The following EIF3E variants were observed in gnomAD, a reference collection of about 807,000 sequenced individuals.
EIF3E encodes eukaryotic translation initiation factor 3 subunit E.
In EIF3E, 25 loss-of-function variants were observed where a neutral mutation model predicts 59.3. The observed-to-expected ratio is 0.42, with a 90% confidence interval of 0.31 to 0.59. The LOEUF (loss-of-function observed/expected upper bound fraction) is 0.59. Among genes scored for constraint, EIF3E ranks in the 20% least tolerant of loss-of-function variants. The pLI is 0.15. For missense variants in EIF3E, 317 were observed against 534.3 expected (o/e 0.59, Z 4.01); for synonymous variants, 176 against 170.2 (o/e 1.03, Z -0.26).
intron 2 of EIF3E, 52 bp from the exon 3 acceptor site, chr8:108,240,127 C>G: frequency 7.0e-7 from 1 of 1,420,792 alleles, no homozygotes; most frequent in Non-Finnish European, 1.0e-6. Flanking sequence ...TTAAATTGTG[C>G]TACTCATCAT....
At chr8:108,215,593 C>G (rs651951) in intron 9 of EIF3E, among the ~76,000 whole-genome samples, 75,621 of 151,082 alleles carry the variant, frequency 0.5, 18,892 homozygotes, top group African/African-American at 0.58. Context: ...ACTCCAGCCT[C>G]GGCAACAGAG....
chr8:108,218,269 C>T (rs935911378), intron 7 of EIF3E, among the ~76,000 whole-genome samples: 9 of 152,184 alleles, frequency 5.9e-5, no homozygotes, highest in Admixed American at 5.2e-4. Context: ...CTACCATTGA[C>T]AGCTTCCTCT....
At chr8:108,248,404 C>T (rs147088681) in intron 1 of EIF3E, among the ~76,000 whole-genome samples, 1 of 152,238 alleles carries the variant, frequency 6.6e-6, no homozygotes, top group Non-Finnish European at 1.5e-5. Context: ...TTTCTCTCTC[C>T]GTAACCTCCC....
intron 10 of EIF3E, among the ~76,000 whole-genome samples, chr8:108,204,756 G>C (rs868484113): frequency 9.2e-6 from 1 of 108,246 alleles, no homozygotes; most frequent in Non-Finnish European, 1.9e-5. Flanking sequence ...TAGAGAGAGA[G>C]AGAGAGAGAG....
rs201412255 is a variant in EIF3E, at chr8:108,214,674, A to C, written c.994T>G (p.Phe332Val). The C allele has an allele frequency of 1.9e-6, 3 of 1,612,020 alleles. No individual in the cohort carries two copies. The highest frequency in any genetic ancestry group is 2.5e-6 in the Non-Finnish European group (3 of 1,179,530). ...DFFLVACLED[F>V]IENARLFIFE... The stretch of plus-strand genomic sequence containing the variant: ...ATGAAGAGACGGGCATTTTCAATGA[A>C]ATCCTCAAGACAAGCCACCAAGAAG... The change falls in exon 10 of 13, where the codon TTC becomes GTC. Residue 332 changes from phenylalanine to valine, a missense_variant. Phe to Val is a conservative substitution (Grantham distance 50). Coordinates refer to ENST00000220849, the MANE Select transcript of EIF3E (RefSeq NM_001568.3).
chr8:108,201,653 T>G lies in EIF3E; in HGVS notation c.*232A>C, dbSNP rs550923642. Reference sequence around the variant, plus strand: ...TCAGCCTACAGGGACTTCTCTGTACTATTTTTGCAAATTCCTCTGAATATA... The same window carrying G: ...TCAGCCTACAGGGACTTCTCTGTACGATTTTTGCAAATTCCTCTGAATATA... On this transcript the variant is annotated 3_prime_UTR_variant, in exon 13 of 13. Coordinates refer to ENST00000220849, the MANE Select transcript of EIF3E (RefSeq NM_001568.3). The G allele has an allele frequency of 1.4e-5, 5 of 363,966 alleles. No individual in the cohort carries two copies. The highest frequency in any genetic ancestry group is 1.1e-4 in the African/African-American group (5 of 46,956). 22.5% of individuals were successfully genotyped at this position (363,966 alleles called of 1,614,324 possible).
chr8:108,226,589 A>G (rs1006598162), intron 7 of EIF3E, among the ~76,000 whole-genome samples: 2 of 152,196 alleles, frequency 1.3e-5, no homozygotes, highest in Non-Finnish European at 2.9e-5. Context: ...TATAATTTTA[A>G]TATCATTTTT....
At chr8:108,240,899 G>A (rs940607193) in intron 2 of EIF3E, among the ~76,000 whole-genome samples, 25 of 151,950 alleles carry the variant, frequency 1.6e-4, no homozygotes, top group Non-Finnish European at 2.9e-4. Flanking sequence ...AGAATGGCGT[G>A]AACCCGGGAG....
intron 7 of EIF3E, among the ~76,000 whole-genome samples, chr8:108,226,683 C>A (rs1057014104): frequency 2.6e-5 from 4 of 152,128 alleles, no homozygotes; most frequent in African/African-American, 9.7e-5. Context: ...ACTGGATGTT[C>A]AAATAAGGGA....
At chr8:108,218,786 T>TA (rs1815351560) in intron 7 of EIF3E, among the ~76,000 whole-genome samples, 1 of 144,916 alleles carries the variant, frequency 6.9e-6, no homozygotes, top group Non-Finnish European at 1.5e-5. Flanking sequence ...TTATTTCTTT[T>TA]TTTTTTTTTT....
chr8:108,214,723 G>A lies in EIF3E; in HGVS notation c.952-7C>T, dbSNP rs755762192. The A allele has an allele frequency of 3.1e-6, 5 of 1,591,560 alleles. No individual in the cohort carries two copies. In the East Asian group the frequency reaches 1.1e-4, roughly 36 times the overall value. Reference sequence around the variant, plus strand: ...AGAAGTCATTCACAAGCACCTATATGTACAAATACAACAAAAATTAATGAT... The same window carrying A: ...AGAAGTCATTCACAAGCACCTATATATACAAATACAACAAAAATTAATGAT... On this transcript the variant is annotated splice_polypyrimidine_tract_variant and splice_region_variant and intron_variant, in intron 9 of 12. Coordinates refer to ENST00000220849, the MANE Select transcript of EIF3E (RefSeq NM_001568.3).
chr8:108,235,644 A>G (rs628206), intron 4 of EIF3E, among the ~76,000 whole-genome samples: 88,097 of 151,940 alleles, frequency 0.58, 25,535 homozygotes, highest in Middle Eastern at 0.63. Context: ...CAAGGGAAAT[A>G]AGATTGAGTG....
chr8:108,217,580 G>T, intron 7 of EIF3E, 120 bp from the exon 8 acceptor site: 1 of 738,220 alleles, frequency 1.4e-6, no homozygotes, highest in Non-Finnish European at 2.0e-6. Context: ...TTAAGAATGA[G>T]TATTATAAGA....
chr8:108,246,432 G>C (rs1815951128), intron 1 of EIF3E, among the ~76,000 whole-genome samples: 1 of 152,054 alleles, frequency 6.6e-6, no homozygotes, highest in South Asian at 2.1e-4. Context: ...CACTCTACCA[G>C]TACCTACCTC....
chr8:108,224,104 CCCAGCTA>C (rs1815474465), intron 7 of EIF3E, among the ~76,000 whole-genome samples: 1 of 150,310 alleles, frequency 6.7e-6, no homozygotes, highest in Admixed American at 6.6e-5. Flanking sequence ...CGCCTGTAGT[CCCAGCTA>C]CTCGGGAGGC....
rs376289399 is a variant in EIF3E at position 108,235,064 on chromosome 8, T to C, written c.405A>G (p.Ala135=). The change falls in exon 5 of 13, where the codon GCA becomes GCG. Residue 135 remains alanine, a synonymous_variant. Coordinates refer to ENST00000220849, the MANE Select transcript of EIF3E (RefSeq NM_001568.3). ...AATTCCCACATTCGTACTGGAATTTTGCATATCTGTAGAGTGTATCTAAAT... is the reference window on the plus strand; with the variant it reads ...AATTCCCACATTCGTACTGGAATTTCGCATATCTGTAGAGTGTATCTAAAT... ...QEYLDTLYRY[A]KFQYECGNYS... 6.3e-7 allele frequency: 1 copy of C among 1,599,364 alleles called. No individual in the cohort carries two copies.
chr8:108,240,955 G>A (rs764550287), intron 2 of EIF3E, among the ~76,000 whole-genome samples: 23 of 150,940 alleles, frequency 1.5e-4, no homozygotes, highest in African/African-American at 2.4e-4. Flanking sequence ...ACTCCAGCCC[G>A]GGCAACACAG....
intron 7 of EIF3E, among the ~76,000 whole-genome samples, chr8:108,221,219 G>T (rs569593370): frequency 6.6e-6 from 1 of 152,198 alleles, no homozygotes; most frequent in Non-Finnish European, 1.5e-5. Flanking sequence ...GAAGTGCAGT[G>T]AAATGATCAC....
intron 1 of EIF3E, among the ~76,000 whole-genome samples, chr8:108,245,526 T>C (rs577012390): frequency 3.3e-4 from 50 of 152,030 alleles, no homozygotes; most frequent in Non-Finnish European, 5.4e-4. Context: ...GTGTTTTATA[T>C]GCATTATCTC....
Sources: gnomAD v4.1 joint callset for allele counts (sites outside exome capture counted in the v4.1 genomes callset) on GRCh38, gnomAD v4.1.1 for gene constraint, MANE v1.5 for transcripts, NCBI Gene and HGNC (gene_info 2026-07-23, HGNC 2026-07-21) for gene names.